Variants in MSN observed in about 807,000 individuals in gnomAD.
MSN encodes the protein epididymis luminal protein 70.
A neutral mutation model predicts 48.0 loss-of-function variants in MSN; 2 were observed. The ratio of observed to expected loss-of-function variants is 0.04; its 90% CI spans 0.02 to 0.13. MSN has a LOEUF of 0.13. Ranked by LOEUF, MSN falls within the 10% of genes least tolerant of loss-of-function variation. MSN has a pLI of 1.00. For missense variants in MSN, 267 were observed against 470.1 expected, an observed-to-expected ratio of 0.57 and a Z score of 3.99; for synonymous variants, 146 against 166.9, an observed-to-expected ratio of 0.87 and a Z score of 0.97.
intron 1 of MSN, among the ~76,000 whole-genome samples, chrX:65,634,183 G>A (rs1249829142): frequency 1.8e-5 from 2 of 112,306 alleles, no homozygotes; most frequent in East Asian, 5.6e-4. Context: ...GCCCAGGAGG[G>A]GGGCATGTCC....
At chrX:65,655,749 GT>G (rs1038265960) in intron 1 of MSN, among the ~76,000 whole-genome samples, 3 of 112,183 alleles carry the variant, frequency 2.7e-5, no homozygotes, top group Non-Finnish European at 3.8e-5. Flanking sequence ...ATAGCTTGTG[GT>G]TTTTTTGTTT....
chrX:65,733,142 G>A lies in MSN; in HGVS notation c.699-42G>A, dbSNP rs1414540617. ...GCCCCCAGTTCTCTACACCCTTCTT[G>A]TCTTGCCCTTGTCCTGATGTTATTG... is the stretch of plus-strand genomic sequence containing the variant. On this transcript the variant is annotated intron_variant, in intron 6 of 12. Coordinates refer to ENST00000360270, the MANE Select transcript of MSN (RefSeq NM_002444.3). 2.7e-5 allele frequency: 29 copies of A among 1,089,247 alleles called. No homozygotes were observed. The Admixed American group carries it at 6.4e-4, about 24-fold the overall frequency. The allele number at this position is 1,089,247 out of a possible 1,213,427, so 89.8% of individuals were successfully genotyped here. A position where few individuals can be genotyped will look rare whatever the true frequency, so the allele number is the denominator to read the frequency against.
intron 1 of MSN, among the ~76,000 whole-genome samples, chrX:65,590,396 A>G (rs1395263219): frequency 9.0e-6 from 1 of 111,083 alleles, no homozygotes; most frequent in Non-Finnish European, 1.9e-5. Context: ...ACTGCAAAAT[A>G]CTTGGAAACC....
intron 2 of MSN, among the ~76,000 whole-genome samples, chrX:65,726,606 TGTGA>T (rs1444865854): frequency 9.0e-6 from 1 of 110,935 alleles, no homozygotes; most frequent in African/African-American, 3.3e-5. Flanking sequence ...TGTGTGTCTT[TGTGA>T]GTGAGTGTGT....
chrX:65,656,868 G>A (rs371070045), intron 1 of MSN, among the ~76,000 whole-genome samples: 1 of 111,483 alleles, frequency 9.0e-6, no homozygotes. Context: ...CTGAGGAGCC[G>A]TGGGAGGAAG....
At chrX:65,652,078 C>A (rs2070746851) in intron 1 of MSN, among the ~76,000 whole-genome samples, 1 of 108,872 alleles carries the variant, frequency 9.2e-6, no homozygotes, top group Non-Finnish European at 1.9e-5. Flanking sequence ...ATCCCCTGTG[C>A]AGTCTATGAG....
chrX:65,735,001 T>C (rs1418613281), intron 7 of MSN, among the ~76,000 whole-genome samples: 3 of 111,810 alleles, frequency 2.7e-5, no homozygotes, highest in Non-Finnish European at 5.6e-5. Context: ...TGAAAGAAAT[T>C]GTGGTTTCAT....
intron 1 of MSN, among the ~76,000 whole-genome samples, chrX:65,646,918 G>C (rs1252989848): frequency 9.0e-6 from 1 of 111,441 alleles, no homozygotes; most frequent in African/African-American, 3.3e-5. Flanking sequence ...TTGCACTCCA[G>C]CCTGGGCAAC....
chrX:65,655,114 A>C (rs754611582), intron 1 of MSN, among the ~76,000 whole-genome samples: 1 of 111,781 alleles, frequency 8.9e-6, no homozygotes, highest in East Asian at 2.8e-4. Flanking sequence ...ACACACAAAA[A>C]ATTGTTGAAT....
Position 65,677,563 on chromosome X carries a change from G to C in MSN, c.12+9710G>C, listed in dbSNP as rs777035102. Among the ~76,000 whole-genome samples, 147 of 111,088 alleles carry C rather than the reference G, an allele frequency of 1.3e-3. 1 individual carries two copies. The highest frequency in any genetic ancestry group is 4.6e-3 in the Middle Eastern group (1 of 218). ...ATTTGAGGTCAGGAATTTGAGACCA[G>C]CCTGGCCAATATGGTGAAACCTTGT... On this transcript the variant is annotated intron_variant, in intron 1 of 12. Transcript: ENST00000360270.
intron 1 of MSN, among the ~76,000 whole-genome samples, chrX:65,607,923 C>A (rs749055751): frequency 4.5e-5 from 5 of 111,222 alleles, no homozygotes; most frequent in African/African-American, 1.6e-4. Flanking sequence ...AAGTGATCTG[C>A]CCAAGTGAGC....
chrX:65,644,863 C>T (rs1361056065), intron 1 of MSN, among the ~76,000 whole-genome samples: 1 of 111,984 alleles, frequency 8.9e-6, no homozygotes, highest in Non-Finnish European at 1.9e-5. Flanking sequence ...TCATATATGC[C>T]CTGTTAAGGA....
At chrX:65,683,359 A>T (rs2071075996) in intron 1 of MSN, among the ~76,000 whole-genome samples, 1 of 108,404 alleles carries the variant, frequency 9.2e-6, no homozygotes, top group African/African-American at 3.4e-5. Flanking sequence ...TCCAGTGGAT[A>T]TCCACTCTTG....
intron 1 of MSN, among the ~76,000 whole-genome samples, chrX:65,660,465 G>T (rs934647604): frequency 4.5e-5 from 5 of 111,401 alleles, no homozygotes; most frequent in Non-Finnish European, 9.4e-5. Context: ...TTCCTATTTG[G>T]ATACCTTTTA....
chrX:65,725,767 C>T (rs2071562261), intron 2 of MSN, among the ~76,000 whole-genome samples: 1 of 111,797 alleles, frequency 8.9e-6, no homozygotes, highest in Non-Finnish European at 1.9e-5. Flanking sequence ...TCCTCATTAC[C>T]TCCCACCCCC....
At chrX:65,721,188 A>T (rs6624813) in intron 2 of MSN, among the ~76,000 whole-genome samples, 26,780 of 111,751 alleles carry the variant, frequency 0.24, 7,725 homozygotes, top group African/African-American at 0.83. Context: ...CCACAAAGAA[A>T]GAAATAAACG....
intron 1 of MSN, among the ~76,000 whole-genome samples, chrX:65,626,980 G>C (rs1245024051): frequency 9.0e-6 from 1 of 111,558 alleles, no homozygotes; most frequent in Non-Finnish European, 1.9e-5. Context: ...ACTACACCCT[G>C]GAGGAGATGG....
At chrX:65,654,589 T>C (rs894260394) in intron 1 of MSN, among the ~76,000 whole-genome samples, 1 of 111,414 alleles carries the variant, frequency 9.0e-6, no homozygotes, top group African/African-American at 3.3e-5. Context: ...AAACCAGGTG[T>C]TCTGTTTCCA....
chrX:65,680,543 G>C (rs1450387985), intron 1 of MSN, among the ~76,000 whole-genome samples: 1 of 111,337 alleles, frequency 9.0e-6, no homozygotes, highest in Non-Finnish European at 1.9e-5. Context: ...TGTGAAAAGA[G>C]AAAATTGAAA....
Sources: gnomAD v4.1 joint callset for allele counts (sites outside exome capture counted in the v4.1 genomes callset) on GRCh38, gnomAD v4.1.1 for gene constraint, MANE v1.5 for transcripts, NCBI Gene and HGNC (gene_info 2026-07-23, HGNC 2026-07-21) for gene names.